ZMIZ1: variants seen among roughly 807,000 people sequenced by gnomAD.
ZMIZ1 encodes zinc finger MIZ domain-containing protein 1.
ZMIZ1 carries 17 observed loss-of-function variants against 113.9 expected under a neutral mutation model. That is an observed-to-expected ratio of 0.15 (90% CI 0.10 to 0.22). The LOEUF (loss-of-function observed/expected upper bound fraction) is 0.22. Among genes scored for constraint, ZMIZ1 ranks in the 10% least tolerant of loss-of-function variants. The probability of loss-of-function intolerance (pLI) is 1.00; values close to 1 mark genes in which losing one functional copy is unlikely to be tolerated. For synonymous variants in ZMIZ1, 607 were observed against 603.1 expected (o/e 1.01, Z -0.09); for missense variants, 1,059 against 1,477.8 (o/e 0.72, Z 4.65).
At chr10:79,121,788 G>C (rs1263717638) in intron 2 of ZMIZ1, among the ~76,000 whole-genome samples, 1 of 152,130 alleles carries the variant, frequency 6.6e-6, no homozygotes, top group African/African-American at 2.4e-5. Flanking sequence ...ATTTACGCTG[G>C]GCCTTGGAAA....
chr10:79,280,245 C>T (rs1852637861), intron 8 of ZMIZ1, among the ~76,000 whole-genome samples: 1 of 151,924 alleles, frequency 6.6e-6, no homozygotes, highest in Non-Finnish European at 1.5e-5. Context: ...TCCCAAAGTA[C>T]TGGGATTATA....
chr10:79,254,655 A>G (rs1270512486), intron 7 of ZMIZ1, among the ~76,000 whole-genome samples: 1 of 152,218 alleles, frequency 6.6e-6, no homozygotes, highest in Non-Finnish European at 1.5e-5. Context: ...AGTCAGCGTG[A>G]TATTCCATGC....
chr10:79,087,522 C>T (rs1842855275), intron 1 of ZMIZ1, among the ~76,000 whole-genome samples: 2 of 152,218 alleles, frequency 1.3e-5, no homozygotes, highest in Admixed American at 6.5e-5. Flanking sequence ...CTGTCTACAT[C>T]CCCAGGCAGC....
chr10:79,105,030 G>A (rs999388602), intron 1 of ZMIZ1, among the ~76,000 whole-genome samples: 2 of 151,728 alleles, frequency 1.3e-5, no homozygotes, highest in African/African-American at 4.8e-5. Context: ...ATGGTGGAAA[G>A]TGAGGAAAAT....
Position 79,293,292 on chromosome 10 carries a change from C to G in ZMIZ1, c.958-89C>G. Reference sequence around the variant, plus strand: ...GCCCCCTCCCCACTCCTCCACCTCCCCAACCCTTCCCTCCCTGCACTTTCA... The same window carrying G: ...GCCCCCTCCCCACTCCTCCACCTCCGCAACCCTTCCCTCCCTGCACTTTCA... On this transcript the variant is annotated intron_variant, in intron 11 of 24. Transcript: ENST00000334512. 4 of 1,487,042 alleles carry G rather than the reference C, an allele frequency of 2.7e-6. No individual in the cohort carries two copies. In the South Asian group the frequency reaches 4.2e-5, roughly 16 times the overall value. 92.1% of individuals were successfully genotyped at this position (1,487,042 alleles called of 1,614,324 possible).
At chr10:79,305,662 G>C in intron 21 of ZMIZ1, 61 bp downstream of exon 21, 1 of 1,548,860 alleles carries the variant, frequency 6.5e-7, no homozygotes, top group Non-Finnish European at 8.9e-7. Context: ...ATTAGAGCAA[G>C]GTGAGCAGGT....
intron 2 of ZMIZ1, among the ~76,000 whole-genome samples, chr10:79,124,136 G>A (rs896506986): frequency 6.6e-6 from 1 of 152,206 alleles, no homozygotes; most frequent in African/African-American, 2.4e-5. Flanking sequence ...GTCCTGGTGG[G>A]CCCTCTGAGC....
At chr10:79,234,118 G>C (rs1381696518) in intron 7 of ZMIZ1, among the ~76,000 whole-genome samples, 1 of 152,178 alleles carries the variant, frequency 6.6e-6, no homozygotes, top group Non-Finnish European at 1.5e-5. Context: ...GCGAAAGAAC[G>C]TTTTAGACAA....
Position 79,292,533 on chromosome 10 carries a change from C to T in ZMIZ1, c.957+177C>T, listed in dbSNP as rs149465670. Among the ~76,000 whole-genome samples, 1,399 of 152,060 alleles carry T rather than the reference C, an allele frequency of 9.2e-3. 24 individuals carry two copies. The highest frequency in any genetic ancestry group is 0.031 in the African/African-American group (1,289 of 41,414). ...GTGGAGGTCTGTGTGTTTAGAATGG[C>T]GCATGTCTAGAATGGGGCGTGTCAG... On this transcript the variant is annotated intron_variant, in intron 11 of 24. Transcript: ENST00000334512.
At chr10:79,285,392 C>G in intron 8 of ZMIZ1, 2 of 448,506 alleles carry the variant, frequency 4.5e-6, no homozygotes, top group Non-Finnish European at 9.0e-6. Flanking sequence ...ATGTTAGGCA[C>G]TTACACTTAA....
chr10:79,301,096 C>G (rs1444991700), intron 17 of ZMIZ1, among the ~76,000 whole-genome samples, 154 bp downstream of exon 17: 1 of 152,138 alleles, frequency 6.6e-6, no homozygotes, highest in East Asian at 1.9e-4. Context: ...GTCCCCTTAC[C>G]TGTGCCCAGG....
At chr10:79,311,529 C>T (rs533664415) in intron 24 of ZMIZ1, among the ~76,000 whole-genome samples, 53 of 152,246 alleles carry the variant, frequency 3.5e-4, no homozygotes, top group African/African-American at 1.3e-3. Flanking sequence ...CTGTGTCTGC[C>T]TCTCTGGCCC....
At chr10:79,210,967 T>C in intron 6 of ZMIZ1, among the ~76,000 whole-genome samples, 1 of 152,144 alleles carries the variant, frequency 6.6e-6, no homozygotes. Flanking sequence ...CCCACTCTCC[T>C]GGGCCTCTGT....
chr10:79,266,973 G>A (rs1291513213), intron 7 of ZMIZ1, among the ~76,000 whole-genome samples: 1 of 152,256 alleles, frequency 6.6e-6, no homozygotes, highest in Admixed American at 6.5e-5. Context: ...TGGACACAGT[G>A]GAATGGGGCT....
chr10:79,306,491 G>A, intron 22 of ZMIZ1, 147 bp downstream of exon 22: 1 of 1,392,666 alleles, frequency 7.2e-7, no homozygotes, highest in South Asian at 1.4e-5. Flanking sequence ...ACAATTCCCA[G>A]TTTGCTAGAC....
At chr10:79,163,579 T>C (rs143186999) in intron 4 of ZMIZ1, among the ~76,000 whole-genome samples, 1 of 152,362 alleles carries the variant, frequency 6.6e-6, no homozygotes, top group African/African-American at 2.4e-5. Context: ...GTCTAATTCA[T>C]TCTCCAGAGG....
At chr10:79,276,766 G>T (rs1329402490) in intron 7 of ZMIZ1, among the ~76,000 whole-genome samples, 1 of 152,160 alleles carries the variant, frequency 6.6e-6, no homozygotes, top group East Asian at 1.9e-4. Flanking sequence ...GAGGGAGTGA[G>T]CTTCCCTGAG....
At chr10:79,143,598 C>T (rs369314354) in intron 3 of ZMIZ1, among the ~76,000 whole-genome samples, 22 of 152,258 alleles carry the variant, frequency 1.4e-4, no homozygotes, top group African/African-American at 5.1e-4. Flanking sequence ...AGGGTTTCTG[C>T]GCTGAGAACT....
intron 6 of ZMIZ1, among the ~76,000 whole-genome samples, chr10:79,211,980 G>A (rs1040594276): frequency 2.6e-5 from 4 of 152,116 alleles, no homozygotes; most frequent in Non-Finnish European, 4.4e-5. Context: ...AAGACTTTTC[G>A]GGTCCCGCCC....
Sources: allele counts gnomAD v4.1 joint callset (sites outside exome capture counted in the v4.1 genomes callset), GRCh38; gene constraint gnomAD v4.1.1; transcripts MANE v1.5; gene names NCBI Gene and HGNC (gene_info 2026-07-23, HGNC 2026-07-21).